The following SPRED1 variants were observed in gnomAD, a reference collection of about 807,000 sequenced individuals.
The protein encoded by SPRED1 is sprouty related EVH1 domain containing 1, also known as sprouty-related, EVH1 domain-containing protein 1.
Under a neutral mutation model 52.3 loss-of-function variants are expected in SPRED1, and 18 were observed. That is an observed-to-expected ratio of 0.34 (90% CI 0.24 to 0.51). The LOEUF (loss-of-function observed/expected upper bound fraction) is 0.51. Ranked by LOEUF, SPRED1 falls within the 20% of genes least tolerant of loss-of-function variation. SPRED1 has a pLI of 0.97. For missense variants in SPRED1, 485 were observed against 551.0 expected, an observed-to-expected ratio of 0.88 and a Z score of 1.20; for synonymous variants, 155 against 179.7, an observed-to-expected ratio of 0.86 and a Z score of 1.10.
At chr15:38,307,016 T>C (rs1452457546) in intron 2 of SPRED1, among the ~76,000 whole-genome samples, 5 of 152,202 alleles carry the variant, frequency 3.3e-5, no homozygotes. Flanking sequence ...ATTTCGTAAT[T>C]TATTTCACAT....
At chr15:38,342,815 G>A (rs1896055180) in intron 5 of SPRED1, among the ~76,000 whole-genome samples, 1 of 152,038 alleles carries the variant, frequency 6.6e-6, no homozygotes, top group Non-Finnish European at 1.5e-5. Context: ...TGATGTCTTT[G>A]AACAGATTTA....
chr15:38,324,911 AC>A (rs1895682597), intron 4 of SPRED1, 102 bp downstream of exon 4: 1 of 1,014,762 alleles, frequency 9.9e-7, no homozygotes, highest in Non-Finnish European at 1.5e-6. Flanking sequence ...TTTCTAAGAC[AC>A]TCTATTTGTC....
At chr15:38,322,890 G>A (rs1798577998) in intron 3 of SPRED1, among the ~76,000 whole-genome samples, 1 of 152,086 alleles carries the variant, frequency 6.6e-6, no homozygotes, top group Admixed American at 6.5e-5. Flanking sequence ...GAGACCACAA[G>A]CTCATCTATT....
At chr15:38,340,447 A>C (rs929782000) in intron 5 of SPRED1, among the ~76,000 whole-genome samples, 4 of 152,206 alleles carry the variant, frequency 2.6e-5, no homozygotes, top group African/African-American at 9.7e-5. Context: ...TCAAGCATAC[A>C]TAAGATTCGA....
chr15:38,346,274 C>T (rs1896133094), intron 5 of SPRED1, among the ~76,000 whole-genome samples: 2 of 150,636 alleles, frequency 1.3e-5, no homozygotes, highest in South Asian at 4.2e-4. Context: ...CCACGTACGC[C>T]ATTGCACCCA....
chr15:38,319,098 A>G (rs1316935989), intron 2 of SPRED1, among the ~76,000 whole-genome samples: 1 of 149,500 alleles, frequency 6.7e-6, no homozygotes, highest in Non-Finnish European at 1.5e-5. Context: ...TGGTGTTATT[A>G]TTATATATTA....
At chr15:38,303,036 T>C (rs532192249) in intron 2 of SPRED1, among the ~76,000 whole-genome samples, 2 of 151,944 alleles carry the variant, frequency 1.3e-5, no homozygotes, top group Non-Finnish European at 2.9e-5. Context: ...AAAAAATAAT[T>C]AGCCAGGCGT....
intron 4 of SPRED1, among the ~76,000 whole-genome samples, chr15:38,326,802 A>G (rs1198991954): frequency 6.6e-6 from 1 of 152,168 alleles, no homozygotes; most frequent in African/African-American, 2.4e-5. Flanking sequence ...TGCAGATGCA[A>G]ATTTGGCCTA....
At chr15:38,299,010 G>T (rs903373984) in intron 1 of SPRED1, among the ~76,000 whole-genome samples, 31 of 152,116 alleles carry the variant, frequency 2.0e-4, no homozygotes, top group African/African-American at 4.8e-5. Context: ...TGTAGCAAAT[G>T]GACATATATA....
intron 1 of SPRED1, among the ~76,000 whole-genome samples, chr15:38,254,857 A>G (rs1894058718): frequency 1.3e-5 from 2 of 152,232 alleles, no homozygotes; most frequent in Non-Finnish European, 2.9e-5. Flanking sequence ...ATCTCAGATA[A>G]TGGTTATTTA....
intron 1 of SPRED1, among the ~76,000 whole-genome samples, chr15:38,275,792 C>T (rs539173338): frequency 4.7e-4 from 71 of 152,124 alleles, no homozygotes; most frequent in Non-Finnish European, 6.9e-4. Flanking sequence ...CAGTGCACCC[C>T]GCCGCTGGTG....
At chr15:38,253,289 C>G (rs1352038116) in intron 1 of SPRED1, 72 bp downstream of exon 1, 8 of 1,461,088 alleles carry the variant, frequency 5.5e-6, no homozygotes, top group Middle Eastern at 3.4e-4. Context: ...CCAGACCCAT[C>G]CGAAACTTGG....
At chr15:38,259,309 T>G (rs1042860323) in intron 1 of SPRED1, among the ~76,000 whole-genome samples, 3 of 152,230 alleles carry the variant, frequency 2.0e-5, no homozygotes, top group Admixed American at 2.0e-4. Context: ...TGGAGGGCAG[T>G]ACAGTGGTAT....
intron 2 of SPRED1, among the ~76,000 whole-genome samples, chr15:38,310,930 A>G (rs975919711): frequency 7.9e-5 from 12 of 151,974 alleles, no homozygotes; most frequent in Non-Finnish European, 1.2e-4. Flanking sequence ...TCTTCAATCT[A>G]TATGTCTTTT....
intron 4 of SPRED1, chr15:38,326,328 G>A (rs1050717931): frequency 6.6e-6 from 1 of 152,168 alleles, no homozygotes; most frequent in African/African-American, 2.4e-5. Flanking sequence ...ATGATAAACA[G>A]TAAATGAGAG....
intron 4 of SPRED1, among the ~76,000 whole-genome samples, chr15:38,332,009 T>C (rs74007158): frequency 0.042 from 6,319 of 152,260 alleles, 449 homozygotes; most frequent in African/African-American, 0.14. Flanking sequence ...TATGCAATAC[T>C]GGACTTCTTT....
intron 5 of SPRED1, among the ~76,000 whole-genome samples, chr15:38,342,992 T>C (rs1378077077): frequency 6.6e-6 from 1 of 152,116 alleles, no homozygotes; most frequent in African/African-American, 2.4e-5. Flanking sequence ...CTATTAGCGG[T>C]AGGGAATCAC....
At chr15:38,310,115 TTGTGTG>T (rs767218956) in intron 2 of SPRED1, among the ~76,000 whole-genome samples, 1 of 23,164 alleles carries the variant, frequency 4.3e-5, no homozygotes, top group African/African-American at 1.1e-4. Context: ...AGACTATTCT[TTGTGTG>T]TGTGTGTGTG....
chr15:38,295,856 A>C (rs1460520537), intron 1 of SPRED1, among the ~76,000 whole-genome samples: 1 of 152,154 alleles, frequency 6.6e-6, no homozygotes, highest in Non-Finnish European at 1.5e-5. Context: ...TAAAAAAATC[A>C]CAAGTTTCAT....
Sources: gnomAD v4.1 joint callset for allele counts (sites outside exome capture counted in the v4.1 genomes callset) on GRCh38, gnomAD v4.1.1 for gene constraint, MANE v1.5 for transcripts, NCBI Gene and HGNC (gene_info 2026-07-23, HGNC 2026-07-21) for gene names.